The following HMGCL variants were observed in gnomAD, a reference collection of about 807,000 sequenced individuals.
HMGCL encodes hydroxymethylglutaryl-CoA lyase, mitochondrial.
A neutral mutation model predicts 37.3 loss-of-function variants in HMGCL; 26 were observed. The ratio of observed to expected loss-of-function variants is 0.70; its 90% CI spans 0.51 to 0.97. The LOEUF (loss-of-function observed/expected upper bound fraction) is 0.97, where lower values mean the gene tolerates loss of function less well. Among genes scored for constraint, HMGCL ranks in the 50% least tolerant of loss-of-function variants. The pLI is 0.00. For synonymous variants in HMGCL, 151 were observed against 148.0 expected, an observed-to-expected ratio of 1.02 and a Z score of -0.15; for missense variants, 379 against 398.1, an observed-to-expected ratio of 0.95 and a Z score of 0.41.
At chr1:23,824,665 C>G (rs1638783304) in intron 1 of HMGCL, among the ~76,000 whole-genome samples, 1 of 152,214 alleles carries the variant, frequency 6.6e-6, no homozygotes, top group African/African-American at 2.4e-5. Flanking sequence ...ATTTCCAAAA[C>G]AACCCCAAGG....
chr1:23,804,718 TC>T (rs1638370497), intron 7 of HMGCL, among the ~76,000 whole-genome samples, 193 bp from the exon 8 acceptor site: 1 of 152,196 alleles, frequency 6.6e-6, no homozygotes, highest in Admixed American at 6.5e-5. Context: ...TTAAACTGTT[TC>T]CTCTGCCAGC....
intron 1 of HMGCL, among the ~76,000 whole-genome samples, chr1:23,823,179 CAAAA>C (rs60736552): frequency 5.4e-5 from 2 of 37,258 alleles, no homozygotes; most frequent in East Asian, 1.8e-3. Flanking sequence ...TTCTTCATCT[CAAAA>C]AAAAAAAAAA....
rs727503963 is a variant in HMGCL, at chr1:23,808,187, T to C, written c.698A>G (p.His233Arg). ...GGCTTGACCATAGGTGTCATGGCAG[T>C]GGACAGCCAGGGCAGCCAGAGGCAC... ...QEVPLAALAV[H>R]CHDTYGQALA... The change falls in exon 7 of 9, where the codon CAC becomes CGC. Residue 233 changes from histidine (H) to arginine (R), a missense_variant. His to Arg is a conservative substitution (Grantham distance 29). Transcript: ENST00000374490. 82 of 1,613,934 alleles carry C rather than the reference T, an allele frequency of 5.1e-5. No individual in the cohort carries two copies. The highest frequency in any genetic ancestry group is 6.6e-5 in the Non-Finnish European group (78 of 1,180,020).
chr1:23,810,866 G>A, intron 5 of HMGCL, 67 bp from the exon 6 acceptor site: 1 of 1,312,634 alleles, frequency 7.6e-7, no homozygotes, highest in Non-Finnish European at 1.1e-6. Flanking sequence ...ACTGAGGCAG[G>A]GCTGTTTAAC....
rs1403541794 is a variant in HMGCL, at chr1:23,816,670, C to T, written c.348+5G>A. 1.3e-6 allele frequency: 2 copies of T among 1,580,648 alleles called. No homozygotes were observed. Among genetic ancestry groups the T allele is most frequent in the Non-Finnish European group, 1.7e-6 (2 of 1,149,420 alleles). ...GGAGCCCCCACCAACAAGCTATCCT[C>T]TTACCGCTGCCTCGAAGCCTTTCAA... On this transcript the variant is annotated splice_donor_5th_base_variant and intron_variant, in intron 4 of 8. Transcript: ENST00000374490.
intron 7 of HMGCL, among the ~76,000 whole-genome samples, chr1:23,805,545 C>T (rs1284855088): frequency 6.6e-6 from 1 of 152,238 alleles, no homozygotes. Context: ...CAAGTCTCTT[C>T]ATCTTTGCAC....
At chr1:23,804,217 C>T (rs1285933229) in intron 8 of HMGCL, 183 bp downstream of exon 8, 1 of 696,224 alleles carries the variant, frequency 1.4e-6, no homozygotes, top group Non-Finnish European at 2.5e-6. Context: ...CTCAAGTGAC[C>T]CTCCTGCCTC....
In HMGCL at chr1:23,808,190, A is replaced by C; in HGVS notation, c.695T>G (p.Val232Gly). 6.2e-7 allele frequency: 1 copy of C among 1,614,118 alleles called. No homozygotes were observed. The highest frequency in any genetic ancestry group is 8.5e-7 in the Non-Finnish European group (1 of 1,180,008). Residue 232 changes from valine to glycine, a missense_variant, in exon 7 of 9, where the codon GTC becomes GGC. Val to Gly is a moderately radical substitution (Grantham distance 109, BLOSUM62 -3). Coordinates refer to ENST00000374490, the MANE Select transcript of HMGCL (RefSeq NM_000191.3). ...TTGACCATAGGTGTCATGGCAGTGGACAGCCAGGGCAGCCAGAGGCACTTC... is the reference window on the plus strand; with the variant it reads ...TTGACCATAGGTGTCATGGCAGTGGCCAGCCAGGGCAGCCAGAGGCACTTC... The part of the protein sequence containing the change: ...MQEVPLAALA[V>G]HCHDTYGQAL...
intron 4 of HMGCL, among the ~76,000 whole-genome samples, chr1:23,815,186 G>A (rs1381688264): frequency 2.0e-5 from 3 of 151,988 alleles, no homozygotes; most frequent in African/African-American, 4.8e-5. Context: ...CAGCCTGGGC[G>A]ACAGAGCAAG....
At chr1:23,804,095 C>T (rs1277656518) in intron 8 of HMGCL, 1 of 391,946 alleles carries the variant, frequency 2.6e-6, no homozygotes, top group African/African-American at 2.0e-5. Flanking sequence ...TCCATAATCC[C>T]CAACACCCTT....
At chr1:23,824,925 G>T (rs916734901) in intron 1 of HMGCL, among the ~76,000 whole-genome samples, 6 of 152,208 alleles carry the variant, frequency 3.9e-5, no homozygotes, top group Non-Finnish European at 7.3e-5. Flanking sequence ...CGCAAGTCCC[G>T]CTCGGTAGGC....
intron 7 of HMGCL, among the ~76,000 whole-genome samples, chr1:23,805,552 G>A (rs916042199): frequency 6.6e-6 from 1 of 152,192 alleles, no homozygotes; most frequent in Admixed American, 6.5e-5. Flanking sequence ...CTTCATCTTT[G>A]CACTTGACTA....
chr1:23,816,676 G>T lies in HMGCL; in HGVS notation c.347C>A (p.Ala116Glu). ...LTPNLKGFEA[A>E]VAAGAKEVVI... ...CCCACCAACAAGCTATCCTCTTACC[G>T]CTGCCTCGAAGCCTTTCAAATTTGG... The change falls in exon 4 of 9, where the codon GCG becomes GAG. Residue 116 changes from alanine (A) to glutamate (E), a missense_variant and splice_region_variant. Ala to Glu is a moderately radical substitution (Grantham distance 107). Coordinates refer to ENST00000374490, the MANE Select transcript of HMGCL (RefSeq NM_000191.3). The T allele has an allele frequency of 6.3e-7, 1 of 1,589,786 alleles. No individual in the cohort carries two copies. Among genetic ancestry groups the T allele is most frequent in the Non-Finnish European group, 8.6e-7 (1 of 1,157,850 alleles).
chr1:23,814,929 C>T (rs542033047), intron 4 of HMGCL, among the ~76,000 whole-genome samples: 1 of 152,022 alleles, frequency 6.6e-6, no homozygotes, highest in South Asian at 2.1e-4. Context: ...GATGGCCAGC[C>T]GGGCGCAGTG....
At chr1:23,819,938 C>G (rs972021159) in intron 2 of HMGCL, among the ~76,000 whole-genome samples, 1 of 152,110 alleles carries the variant, frequency 6.6e-6, no homozygotes, top group African/African-American at 2.4e-5. Flanking sequence ...CATAATATTT[C>G]ATTTTATAAA....
chr1:23,810,457 T>TC, intron 6 of HMGCL: 1 of 436,394 alleles, frequency 2.3e-6, no homozygotes, highest in Non-Finnish European at 4.3e-6. Flanking sequence ...AAGGAGCCCC[T>TC]CCTCAGAGAA....
chr1:23,807,224 C>T (rs750957946), intron 7 of HMGCL: 4 of 518,948 alleles, frequency 7.7e-6, no homozygotes, highest in Non-Finnish European at 1.5e-5. Context: ...TCCTGTCTGC[C>T]TGGCTGGGAA....
intron 4 of HMGCL, among the ~76,000 whole-genome samples, 187 bp from the exon 5 acceptor site, chr1:23,814,525 C>G (rs1474888803): frequency 6.6e-6 from 1 of 152,096 alleles, no homozygotes; most frequent in African/African-American, 2.4e-5. Context: ...AGCCCACCAC[C>G]ACGCCCGGCT....
rs754976763 is a variant in HMGCL, at chr1:23,808,174, G to A, written c.711C>T (p.Thr237=). 9.3e-6 allele frequency: 15 copies of A among 1,614,022 alleles called. No homozygotes were observed. The Admixed American group carries it at 2.3e-4, about 25-fold the overall frequency. ...LAALAVHCHD[T]YGQALANTLM... ...AGGTGTTGGCCAGGGCTTGACCATAGGTGTCATGGCAGTGGACAGCCAGGG... is the reference window on the plus strand; with the variant it reads ...AGGTGTTGGCCAGGGCTTGACCATAAGTGTCATGGCAGTGGACAGCCAGGG... The change falls in exon 7 of 9, where the codon ACC becomes ACT. Residue 237 remains threonine, a synonymous_variant. Coordinates refer to ENST00000374490, the MANE Select transcript of HMGCL (RefSeq NM_000191.3).
Sources: allele counts gnomAD v4.1 joint callset (sites outside exome capture counted in the v4.1 genomes callset), GRCh38; gene constraint gnomAD v4.1.1; transcripts MANE v1.5; gene names NCBI Gene and HGNC (gene_info 2026-07-23, HGNC 2026-07-21).